Variants in CKAP5 observed in about 807,000 individuals in gnomAD.
The protein encoded by CKAP5 is cytoskeleton associated protein 5.
Under a neutral mutation model 232.8 loss-of-function variants are expected in CKAP5, and 27 were observed. That is an observed-to-expected ratio of 0.12 (90% CI 0.09 to 0.16). The LOEUF is 0.16. Ranked by LOEUF, CKAP5 falls within the 10% of genes least tolerant of loss-of-function variation. The probability of loss-of-function intolerance (pLI) is 1.00; values close to 1 mark genes in which losing one functional copy is unlikely to be tolerated. For missense variants in CKAP5, 1,838 were observed against 2,424.7 expected (o/e 0.76, Z 5.08); for synonymous variants, 785 against 841.1 (o/e 0.93, Z 1.16).
intron 1 of CKAP5, among the ~76,000 whole-genome samples, chr11:46,841,374 C>G (rs957006748): frequency 2.6e-5 from 4 of 151,944 alleles, no homozygotes; most frequent in Non-Finnish European, 5.9e-5. Flanking sequence ...AAATCTCACA[C>G]ATCTGAGGTC....
Position 46,743,744 on chromosome 11 carries a change from GAAAA to G in CKAP5, c.*275_*278del. ...TACAAATGAGCAATTAAAAAGAAAA[GAAAA>G]GGATCTGGGAACTAGACTGAGCAGA... On this transcript the variant is annotated 3_prime_UTR_variant, in exon 44 of 44. Coordinates refer to ENST00000529230, the MANE Select transcript of CKAP5 (RefSeq NM_001008938.4). The G allele has an allele frequency of 2.7e-6, 1 of 374,378 alleles. No individual in the cohort carries two copies. 23.2% of individuals were successfully genotyped at this position (374,378 alleles called of 1,614,324 possible).
At chr11:46,810,946 AG>A in intron 5 of CKAP5, 60 bp downstream of exon 5, 1 of 1,379,802 alleles carries the variant, frequency 7.2e-7, no homozygotes, top group Non-Finnish European at 9.8e-7. Flanking sequence ...CAACAACGAT[AG>A]GAAGAAAATA....
At chr11:46,758,191 C>G (rs1331316610) in intron 35 of CKAP5, among the ~76,000 whole-genome samples, 2 of 152,042 alleles carry the variant, frequency 1.3e-5, no homozygotes, top group Non-Finnish European at 2.9e-5. Flanking sequence ...TATCATTGTC[C>G]CCCTTTAACA....
chr11:46,821,380 C>T (rs1939521306), intron 1 of CKAP5, 112 bp from the exon 2 acceptor site: 1 of 551,640 alleles, frequency 1.8e-6, no homozygotes, highest in Non-Finnish European at 3.2e-6. Context: ...AGTAAAAATC[C>T]CGTTCTTTCG....
chr11:46,822,440 T>C (rs1050168376), intron 1 of CKAP5, among the ~76,000 whole-genome samples: 3 of 152,126 alleles, frequency 2.0e-5, no homozygotes, highest in Non-Finnish European at 2.9e-5. Context: ...TACTTTCACC[T>C]AGAATTACTT....
intron 4 of CKAP5, among the ~76,000 whole-genome samples, chr11:46,812,300 CAT>C (rs1256591088): frequency 6.6e-5 from 10 of 151,848 alleles, no homozygotes; most frequent in African/African-American, 1.9e-4. Context: ...CACTGCACTC[CAT>C]CCAGCCTGGG....
At chr11:46,779,160 A>G (rs948453511) in intron 20 of CKAP5, among the ~76,000 whole-genome samples, 1 of 152,100 alleles carries the variant, frequency 6.6e-6, no homozygotes, top group African/African-American at 2.4e-5. Context: ...TTGAGACAGA[A>G]TCTTGCTCTG....
intron 26 of CKAP5, among the ~76,000 whole-genome samples, chr11:46,769,012 C>T (rs776121627): frequency 1.3e-4 from 19 of 151,918 alleles, no homozygotes; most frequent in African/African-American, 1.9e-4. Context: ...CTCTGCCTCC[C>T]GGATTCAAGC....
intron 4 of CKAP5, among the ~76,000 whole-genome samples, chr11:46,811,412 A>G (rs1939271374): frequency 6.6e-6 from 1 of 152,190 alleles, no homozygotes; most frequent in Non-Finnish European, 1.5e-5. Context: ...CCATTTTTAA[A>G]CAAACTTTCT....
chr11:46,812,796 C>T (rs900409680), intron 4 of CKAP5, among the ~76,000 whole-genome samples: 4 of 152,044 alleles, frequency 2.6e-5, no homozygotes, highest in African/African-American at 9.7e-5. Flanking sequence ...CACCACCATG[C>T]CCGGCTAATT....
At position 46,758,926 on chromosome 11, in the gene CKAP5, T is replaced by C. The variant is rs774361729; in HGVS notation, c.4686A>G (p.Thr1562=). 3.7e-6 allele frequency: 6 copies of C among 1,613,870 alleles called. No homozygotes were observed. The highest frequency in any genetic ancestry group is 1.1e-5 in the South Asian group (1 of 91,048). ...GDINTSIQAL[T]QIDEVLRQED... is the part of the protein sequence containing the mutation. The stretch of plus-strand genomic sequence containing the variant: ...GTCACGGGAGCACACCCATTACCTG[T>C]GTCAGAGCTTGGATACTTGTGTTGA... Residue 1562 remains threonine (T), a synonymous_variant, in exon 35 of 44, where the codon ACA becomes ACG. Coordinates refer to ENST00000529230, the MANE Select transcript of CKAP5 (RefSeq NM_001008938.4).
At chr11:46,843,730 A>G (rs1223255700) in intron 1 of CKAP5, among the ~76,000 whole-genome samples, 5 of 790 alleles carry the variant, frequency 6.3e-3, no homozygotes, top group Non-Finnish European at 0.044. Flanking sequence ...ATCTGATTGA[A>G]AAAAAAAAAA....
chr11:46,743,657 G>A lies in CKAP5; in HGVS notation c.*366C>T. On this transcript the variant is annotated 3_prime_UTR_variant, in exon 44 of 44. Coordinates refer to ENST00000529230, the MANE Select transcript of CKAP5 (RefSeq NM_001008938.4). ...CAGAGAAGAGCTCACAAACTGAAAG[G>A]AAAACTATTAAAGAGTTTCTAATAT... is the stretch of plus-strand genomic sequence containing the variant. The A allele has an allele frequency of 4.6e-6, 1 of 219,132 alleles. No individual in the cohort carries two copies. The highest frequency in any genetic ancestry group is 9.2e-6 in the Non-Finnish European group (1 of 108,342). 13.6% of individuals were successfully genotyped at this position (219,132 alleles called of 1,614,324 possible). A position where few individuals can be genotyped will look rare whatever the true frequency, so the allele number is the denominator to read the frequency against.
chr11:46,833,847 A>ATAT, intron 1 of CKAP5, among the ~76,000 whole-genome samples: 3 of 151,880 alleles, frequency 2.0e-5, no homozygotes, highest in Non-Finnish European at 4.4e-5. Context: ...TATCATTACT[A>ATAT]TATTATTATT....
chr11:46,795,897 C>T (rs1938860766), intron 12 of CKAP5, 121 bp from the exon 13 acceptor site: 3 of 834,154 alleles, frequency 3.6e-6, no homozygotes, highest in East Asian at 5.2e-5. Context: ...GGCAAGGTGG[C>T]TCACACCTAT....
intron 26 of CKAP5, among the ~76,000 whole-genome samples, chr11:46,767,980 G>A (rs995629125): frequency 3.3e-5 from 5 of 151,648 alleles, no homozygotes; most frequent in Admixed American, 1.3e-4. Flanking sequence ...AATTTTTGTG[G>A]AGACAGGGTT....
intron 8 of CKAP5, among the ~76,000 whole-genome samples, chr11:46,802,989 C>A (rs753378402): frequency 2.6e-5 from 4 of 152,094 alleles, no homozygotes; most frequent in Non-Finnish European, 5.9e-5. Flanking sequence ...CACAGCCAGG[C>A]ATGGTGGTTC....
intron 26 of CKAP5, among the ~76,000 whole-genome samples, chr11:46,769,344 G>A (rs1271786359): frequency 6.6e-6 from 1 of 152,178 alleles, no homozygotes; most frequent in Non-Finnish European, 1.5e-5. Context: ...GCAGAAAATA[G>A]TTGTGGAAAT....
chr11:46,816,544 G>C, intron 3 of CKAP5, 140 bp from the exon 4 acceptor site: 1 of 635,300 alleles, frequency 1.6e-6, no homozygotes, highest in Non-Finnish European at 2.7e-6. Context: ...TTATGTTCAA[G>C]AATATTTTAA....
Sources: allele counts gnomAD v4.1 joint callset (sites outside exome capture counted in the v4.1 genomes callset), GRCh38; gene constraint gnomAD v4.1.1; transcripts MANE v1.5; gene names NCBI Gene and HGNC (gene_info 2026-07-23, HGNC 2026-07-21).